The following MAST1 variants were observed in gnomAD, a reference collection of about 807,000 sequenced individuals.
MAST1 encodes the protein microtubule-associated serine/threonine-protein kinase 1.
MAST1 carries 40 observed loss-of-function variants against 124.6 expected under a neutral mutation model. The ratio of observed to expected loss-of-function variants is 0.32; its 90% CI spans 0.25 to 0.42. MAST1 has a LOEUF of 0.42. Ranked by LOEUF, MAST1 falls within the 10% of genes least tolerant of loss-of-function variation. The pLI is 1.00. For missense variants in MAST1, 1,558 were observed against 2,181.9 expected, an observed-to-expected ratio of 0.71 and a Z score of 5.70; for synonymous variants, 938 against 939.4, an observed-to-expected ratio of 1.00 and a Z score of 0.03.
At chr19:12,856,540 G>C (rs2145899440) in intron 10 of MAST1, among the ~76,000 whole-genome samples, 1 of 152,278 alleles carries the variant, frequency 6.6e-6, no homozygotes, top group Admixed American at 6.5e-5. Flanking sequence ...CTGACCTTCA[G>C]GTGATCCACT....
In MAST1 at chr19:12,868,777, A is replaced by G; in HGVS notation, c.2701A>G (p.Arg901Gly). 1.2e-6 allele frequency: 2 copies of G among 1,610,548 alleles called. No individual in the cohort carries two copies. The highest frequency in any genetic ancestry group is 2.2e-5 in the East Asian group (1 of 44,800). ...QMSGDVAVEK[R>G]PSRTGGKVIK... ...GTCAGGGGATGTGGCAGTAGAGAAG[A>G]GGCCTTCTCGAACTGGGGGCAAAGT... Residue 901 changes from arginine to glycine, a missense_variant, in exon 21 of 26, where the codon AGG becomes GGG. By Grantham distance (125) the Arg-to-Gly change is moderately radical. Coordinates refer to ENST00000251472, the MANE Select transcript of MAST1 (RefSeq NM_014975.3).
chr19:12,840,955 A>G (rs780442086), intron 2 of MAST1, 36 bp from the exon 3 acceptor site: 2 of 825,816 alleles, frequency 2.4e-6, no homozygotes, highest in Non-Finnish European at 2.2e-6. Context: ...AGGGAACGAG[A>G]GACCTGACAG....
rs534626383 is a variant in MAST1, at chr19:12,847,602, C to T, written c.489-10C>T. On this transcript the variant is annotated splice_polypyrimidine_tract_variant and intron_variant, in intron 5 of 25. Transcript: ENST00000251472. This position sits in a 1 kb window ranked among gnomAD's most constrained non-coding sequence, Gnocchi z 5.5. The stretch of plus-strand genomic sequence containing the variant: ...AGAGGACTCGACAAAATGGGCTTCT[C>T]TCCCCGCAGCCCCGGGCGCTCCCCC... The T allele has an allele frequency of 3.7e-6, 6 of 1,614,048 alleles. No homozygotes were observed. The highest frequency in any genetic ancestry group is 1.3e-5 in the African/African-American group (1 of 75,062).
intron 12 of MAST1, 166 bp downstream of exon 12, chr19:12,858,905 A>G: frequency 1.5e-6 from 1 of 658,662 alleles, no homozygotes; most frequent in South Asian, 1.8e-5. Flanking sequence ...CTACCTATAT[A>G]TTTATTCAGT....
At position 12,873,803 on chromosome 19, in the gene MAST1, G is replaced by C. The variant is rs1311817017; in HGVS notation, c.3646G>C (p.Ala1216Pro). Reference protein sequence around the residue: ...PLAHTPSPTQASPPPLPGHTV... With the variant: ...PLAHTPSPTQPSPPPLPGHTV... ...GGCACACACGCCGTCCCCCACGCAG[G>C]CGTCACCGCCGCCACTGCCGGGCCA... The change falls in exon 26 of 26, where the codon GCG becomes CCG. Residue 1216 changes from alanine (A) to proline (P), a missense_variant. Physicochemically the swap from Ala to Pro is conservative, Grantham distance 27 (BLOSUM62 -1). Around this residue, in one of 10 missense-constraint regions of MAST1, gnomAD observed 291 missense variants for 475.8 expected, o/e 0.61. Transcript: ENST00000251472. 1 of 1,594,832 alleles carries C rather than the reference G, an allele frequency of 6.3e-7. No homozygotes were observed. The highest frequency in any genetic ancestry group is 8.5e-7 in the Non-Finnish European group (1 of 1,177,504).
rs1376745931 is a variant in MAST1, at chr19:12,838,940, G to A, written c.83+285G>A. 6.6e-6 allele frequency among the ~76,000 whole-genome samples: 1 copy of A among 151,946 alleles called. No individual in the cohort carries two copies. The highest frequency in any genetic ancestry group is 2.4e-5 in the African/African-American group (1 of 41,340). On this transcript the variant is annotated intron_variant, in intron 1 of 25. Coordinates refer to ENST00000251472, the MANE Select transcript of MAST1 (RefSeq NM_014975.3). The surrounding 1 kb of genome is among the most constrained non-coding windows in gnomAD (Gnocchi z 4.3). ...CTGCGGGCTCCAACAGCCTGGTGGG[G>A]GTAGAGGAAGAAGGGGAGGCTGGGG...
In MAST1 at chr19:12,866,206, T is replaced by C; in HGVS notation, c.2029+104T>C. ...GATAGGGCCTGGCTAAGTACCAAGA[T>C]GTGATGCCTAGGTGCGAAGGTGGTA... On this transcript the variant is annotated intron_variant, in intron 17 of 25. Transcript: ENST00000251472. The surrounding 1 kb of genome is among the most constrained non-coding windows in gnomAD (Gnocchi z 5.2). 7.1e-7 allele frequency: 1 copy of C among 1,399,304 alleles called. No homozygotes were observed. Among genetic ancestry groups the C allele is most frequent in the East Asian group, 3.0e-5 (1 of 33,814 alleles). The allele number at this position is 1,399,304 out of a possible 1,614,324, so 86.7% of individuals were successfully genotyped here. A position where few individuals can be genotyped will look rare whatever the true frequency, so the allele number is the denominator to read the frequency against.
In MAST1 at chr19:12,873,675, A is replaced by G. The variant is rs1465198851; in HGVS notation, c.3518A>G (p.His1173Arg). ...TPNSPASSAS[H>R]HIRPSTLHGL... ...AACTCGCCTGCGTCGTCGGCGTCGC[A>G]CCACATTCGGCCCAGCACGCTGCAC... The change falls in exon 26 of 26, where the codon CAC (histidine) becomes CGC (arginine). Residue 1173 changes from histidine (H) to arginine (R), a missense_variant. His to Arg is a conservative substitution (Grantham distance 29). Transcript: ENST00000251472. 3.8e-6 allele frequency: 6 copies of G among 1,599,100 alleles called. No homozygotes were observed. In the Admixed American group the frequency reaches 8.4e-5, roughly 22 times the overall value.
chr19:12,858,288 T>G, intron 10 of MAST1, 74 bp from the exon 11 acceptor site: 1 of 1,273,482 alleles, frequency 7.9e-7, no homozygotes, highest in Non-Finnish European at 1.1e-6. Context: ...AGTTTCCCCA[T>G]GTGTAAAATG....
In MAST1 at chr19:12,840,678, T is replaced by A. The variant is rs541742007; in HGVS notation, c.172+144T>A. 10 of 673,208 alleles carry A rather than the reference T, an allele frequency of 1.5e-5. No homozygotes were observed. In the East Asian group the frequency reaches 2.5e-4, roughly 17 times the overall value. The allele number at this position is 673,208 out of a possible 1,614,324, so 41.7% of individuals were successfully genotyped here. The stretch of plus-strand genomic sequence containing the variant: ...TGGATAAGGGGCGGGGCCATGCTTG[T>A]GTGGGTGTGGTCAGTCGCAGAGGGA... On this transcript the variant is annotated intron_variant, in intron 2 of 25. Transcript: ENST00000251472.
chr19:12,848,178 T>C (rs1317561486), intron 7 of MAST1, 121 bp downstream of exon 7: 3 of 904,068 alleles, frequency 3.3e-6, no homozygotes, highest in Non-Finnish European at 5.1e-6. Context: ...GGCACTGGCG[T>C]GGAGCTGAGG....
chr19:12,850,825 A>C (rs1918029098), intron 7 of MAST1, among the ~76,000 whole-genome samples: 1 of 152,038 alleles, frequency 6.6e-6, no homozygotes. Context: ...CAGCCTCCTG[A>C]GTAGCTGGGA....
chr19:12,846,024 C>G (rs1046617883), intron 4 of MAST1, among the ~76,000 whole-genome samples: 4 of 151,818 alleles, frequency 2.6e-5, no homozygotes, highest in Non-Finnish European at 4.4e-5. Context: ...TGGAAGCCAG[C>G]CTGGGCAACA....
Position 12,858,618 on chromosome 19 carries a change from G to A in MAST1, c.1245G>A (p.Gln415=), listed in dbSNP as rs1388790401. The change falls in exon 12 of 26, where the codon CAG becomes CAA. Residue 415 remains glutamine, a synonymous_variant. Coordinates refer to ENST00000251472, the MANE Select transcript of MAST1 (RefSeq NM_014975.3). ...INKQNLILRN[Q]IQQAFVERDI... ...AGCAGAACTTGATCCTCCGCAACCA[G>A]ATCCAGCAGGCCTTTGTGGAGCGCG... The A allele has an allele frequency of 6.2e-7, 1 of 1,614,266 alleles. No homozygotes were observed. Among genetic ancestry groups the A allele is most frequent in the Admixed American group, 1.7e-5 (1 of 60,022 alleles).
In MAST1 at chr19:12,847,918, T is replaced by C; in HGVS notation, c.635T>C (p.Leu212Pro). The C allele has an allele frequency of 6.2e-7, 1 of 1,614,018 alleles. No homozygotes were observed. The highest frequency in any genetic ancestry group is 8.5e-7 in the Non-Finnish European group (1 of 1,179,954). Residue 212 changes from leucine (L) to proline (P), a missense_variant, in exon 7 of 26, where the codon CTG (leucine) becomes CCG (proline). Coordinates refer to ENST00000251472, the MANE Select transcript of MAST1 (RefSeq NM_014975.3). This position sits in a 1 kb window ranked among gnomAD's most constrained non-coding sequence, Gnocchi z 5.5. ...RAYEPDSVLPLADGVLSFIHH... is the reference protein window; with the variant it reads ...RAYEPDSVLPPADGVLSFIHH... Reference sequence around the variant, plus strand: ...TACGAACCCGACAGCGTTCTGCCTCTGGCCGATGGCGTGCTCAGCTTCATC... The same window carrying C: ...TACGAACCCGACAGCGTTCTGCCTCCGGCCGATGGCGTGCTCAGCTTCATC...
rs151159272 is a variant in MAST1, at chr19:12,849,887, T to A, written c.774+1830T>A. ...ATTTTGGCTCACTGCAACCTCCACC[T>A]CTCAGGTTCAAGCCATTCTCCTGCC... On this transcript the variant is annotated intron_variant, in intron 7 of 25. Transcript: ENST00000251472. 3.6e-3 allele frequency among the ~76,000 whole-genome samples: 552 copies of A among 151,950 alleles called. 9 individuals are homozygous for A. The highest frequency in any genetic ancestry group is 0.026 in the Admixed American group (400 of 15,256).
rs1418209042 is a variant in MAST1 at position 12,864,930 on chromosome 19, C to A, written c.1488C>A (p.Arg496=). The change falls in exon 13 of 26, where the codon CGC becomes CGA. Residue 496 remains arginine (R), a synonymous_variant. Coordinates refer to ENST00000251472, the MANE Select transcript of MAST1 (RefSeq NM_014975.3). ...EYLHNYGIVH[R]DLKPDNLLIT... ...TGCACAACTATGGCATCGTGCACCGCGACCTCAAGCCTGACAAGTGAGCTT... is the reference window on the plus strand; with the variant it reads ...TGCACAACTATGGCATCGTGCACCGAGACCTCAAGCCTGACAAGTGAGCTT... The A allele has an allele frequency of 3.1e-6, 5 of 1,614,142 alleles. No homozygotes were observed. Among genetic ancestry groups the A allele is most frequent in the Non-Finnish European group, 4.2e-6 (5 of 1,180,014 alleles).
intron 7 of MAST1, among the ~76,000 whole-genome samples, chr19:12,850,620 T>C (rs1969948643): frequency 6.6e-6 from 1 of 152,252 alleles, no homozygotes; most frequent in Non-Finnish European, 1.5e-5. Context: ...TTAGACATTT[T>C]CAAAGACACA....
chr19:12,867,547 G>A lies in MAST1; in HGVS notation c.2213G>A (p.Arg738Gln). The A allele has an allele frequency of 3.1e-6, 5 of 1,613,750 alleles. No individual in the cohort carries two copies. Among genetic ancestry groups the A allele is most frequent in the Non-Finnish European group, 4.2e-6 (5 of 1,179,952 alleles). The change falls in exon 19 of 26, where the codon CGG (arginine) becomes CAG (glutamine). Residue 738 changes from arginine (R) to glutamine (Q), a missense_variant. By Grantham distance (43) the Arg-to-Gln change is conservative. This residue lies in a region of MAST1 where 287 missense variants were observed against 308.0 expected (regional missense o/e 0.93). Coordinates refer to ENST00000251472, the MANE Select transcript of MAST1 (RefSeq NM_014975.3). ...GTAGCAGCTGCAGGGAGCAGCAAGC[G>A]GGAGCCGAGCACCAAGGGCCCCGAG... ...TPVAAAGSSKREPSTKGPEEK... is the reference protein window; with the variant it reads ...TPVAAAGSSKQEPSTKGPEEK...
Sources: allele counts gnomAD v4.1 joint callset (sites outside exome capture counted in the v4.1 genomes callset), GRCh38; gene constraint gnomAD v4.1.1; regional missense constraint gnomAD v4.1.1; non-coding constraint Gnocchi (gnomAD v3.1); transcripts MANE v1.5; gene names NCBI Gene and HGNC (gene_info 2026-07-23, HGNC 2026-07-21).